ERCC6: variants seen among roughly 807,000 people sequenced by gnomAD.
ERCC6 encodes DNA excision repair protein ERCC-6.
ERCC6 carries 116 observed loss-of-function variants against 158.7 expected under a neutral mutation model. The ratio of observed to expected loss-of-function variants is 0.73; its 90% CI spans 0.63 to 0.85. ERCC6 has a LOEUF of 0.85. Among genes scored for constraint, ERCC6 ranks in the 40% least tolerant of loss-of-function variants. The pLI is 0.00. For missense variants in ERCC6, 1,698 were observed against 1,799.4 expected, an observed-to-expected ratio of 0.94 and a Z score of 1.02; for synonymous variants, 678 against 659.3, an observed-to-expected ratio of 1.03 and a Z score of -0.43.
intron 8 of ERCC6, among the ~76,000 whole-genome samples, chr10:49,484,531 G>A (rs1363862609): frequency 6.6e-6 from 1 of 152,106 alleles, no homozygotes; most frequent in Non-Finnish European, 1.5e-5. Flanking sequence ...CTTGAGGCCA[G>A]GAGTTCAAGA....
rs1271547000 is a variant in ERCC6 at position 49,474,362 on chromosome 10, G to GAAGAAGAAAC, written c.2383-121_2383-120insGTTTCTTCTT. On this transcript the variant is annotated intron_variant, in intron 12 of 20. Transcript: ENST00000355832. ...AAAACAGTTCTCCACCAGCTTCTTA[G>GAAGAAGAAAC]TTTCTTCTCTAGTCACAGCATTATC... 4 of 750,614 alleles carry GAAGAAGAAAC rather than the reference G, an allele frequency of 5.3e-6. No individual in the cohort carries two copies. The African/African-American group carries it at 7.0e-5, about 13-fold the overall frequency. The allele number at this position is 750,614 out of a possible 1,614,324, so 46.5% of individuals were successfully genotyped here.
Position 49,519,069 on chromosome 10 carries a change from C to T in ERCC6, c.1397+4964G>A, listed in dbSNP as rs375698110. On this transcript the variant is annotated intron_variant, in intron 5 of 20. Transcript: ENST00000355832. ...CCATACTTGCCAGGTCTTCTAGACT[C>T]CTGAGCCATCTCCCTATATCCTCAT... 1.2e-4 allele frequency among the ~76,000 whole-genome samples: 19 copies of T among 152,328 alleles called. 1 individual carries two copies. Among genetic ancestry groups the T allele is most frequent in the African/African-American group, 4.3e-4 (18 of 41,574 alleles).
chr10:49,513,530 A>C (rs1836861639), intron 5 of ERCC6, among the ~76,000 whole-genome samples: 1 of 152,146 alleles, frequency 6.6e-6, no homozygotes, highest in South Asian at 2.1e-4. Flanking sequence ...GGTAATTTAT[A>C]AGGAAAGAGG....
chr10:49,526,153 A>ATATC, intron 4 of ERCC6, among the ~76,000 whole-genome samples: 1 of 123,320 alleles, frequency 8.1e-6, no homozygotes, highest in African/African-American at 3.4e-5. Context: ...ATATATATAT[A>ATATC]TATATATATC....
chr10:49,490,399 G>A (rs1042055693), intron 8 of ERCC6, among the ~76,000 whole-genome samples: 7 of 145,434 alleles, frequency 4.8e-5, no homozygotes, highest in Non-Finnish European at 1.0e-4. Context: ...CTGTCGCCCA[G>A]GCTAGAGTGC....
intron 5 of ERCC6, among the ~76,000 whole-genome samples, chr10:49,510,453 C>T (rs1450354288): frequency 6.6e-6 from 1 of 152,138 alleles, no homozygotes; most frequent in Non-Finnish European, 1.5e-5. Flanking sequence ...CAAACCCTCA[C>T]TCATGCAGCA....
intron 8 of ERCC6, among the ~76,000 whole-genome samples, chr10:49,492,061 A>T (rs1386333389): frequency 6.6e-6 from 1 of 152,240 alleles, no homozygotes; most frequent in Non-Finnish European, 1.5e-5. Context: ...ATCACTTAAA[A>T]TTCTGGGCAA....
chr10:49,502,100 A>G (rs1164329632), intron 6 of ERCC6: 2 of 152,144 alleles, frequency 1.3e-5, no homozygotes, highest in East Asian at 1.9e-4. Flanking sequence ...ACCTATAGGT[A>G]TGTCTACCTA....
At chr10:49,531,615 T>C (rs978561688) in intron 2 of ERCC6, among the ~76,000 whole-genome samples, 1 of 152,134 alleles carries the variant, frequency 6.6e-6, no homozygotes, top group African/African-American at 2.4e-5. Flanking sequence ...AATGTAAAAG[T>C]ATCATTACAA....
Position 49,483,511 on chromosome 10 carries a change from T to C in ERCC6, c.1827A>G (p.Lys609=). Residue 609 remains lysine (K), a synonymous_variant, in exon 9 of 21, where the codon AAA becomes AAG. Coordinates refer to ENST00000355832, the MANE Select transcript of ERCC6 (RefSeq NM_000124.4). ...ETGSYTHKKE[K]LIRDVAHCHG... is the part of the protein sequence containing the mutation. ...GACAATGAGCAACATCTCGAATTAG[T>C]TTCTCCTGAGACCACAATAAAATGG... 1.2e-6 allele frequency: 2 copies of C among 1,614,054 alleles called. No homozygotes were observed. The highest frequency in any genetic ancestry group is 1.1e-5 in the South Asian group (1 of 91,080).
Position 49,458,133 on chromosome 10 carries a change from G to A in ERCC6, c.*682C>T, listed in dbSNP as rs1431504921. The stretch of plus-strand genomic sequence containing the variant: ...TTGTGACTGTAGGAGAGAAAAAGAT[G>A]CCCTCTGCTTAAAGGAAAGCCAGGG... On this transcript the variant is annotated 3_prime_UTR_variant, in exon 21 of 21. Transcript: ENST00000355832. 6.6e-6 allele frequency: 1 copy of A among 152,090 alleles called. No homozygotes were observed. The highest frequency in any genetic ancestry group is 1.5e-5 in the Non-Finnish European group (1 of 68,068). The allele number at this position is 152,090 out of a possible 1,614,324, so 9.4% of individuals were successfully genotyped here.
In ERCC6 at chr10:49,458,727, C is replaced by A. The variant is rs1262405016; in HGVS notation, c.*88G>T. 2 of 1,357,222 alleles carry A rather than the reference C, an allele frequency of 1.5e-6. No individual in the cohort carries two copies. Among genetic ancestry groups the A allele is most frequent in the African/African-American group, 2.9e-5 (2 of 68,294 alleles). The allele number at this position is 1,357,222 out of a possible 1,614,324, so 84.1% of individuals were successfully genotyped here. On this transcript the variant is annotated 3_prime_UTR_variant, in exon 21 of 21. Coordinates refer to ENST00000355832, the MANE Select transcript of ERCC6 (RefSeq NM_000124.4). ...ACAAACATCAAGTGCAGCCAACTTCCATTGACAAACATGATTATTAATAAT... is the reference window on the plus strand; with the variant it reads ...ACAAACATCAAGTGCAGCCAACTTCAATTGACAAACATGATTATTAATAAT...
intron 4 of ERCC6, among the ~76,000 whole-genome samples, chr10:49,526,129 A>T (rs1026031757): frequency 3.0e-4 from 5 of 16,708 alleles, no homozygotes; most frequent in African/African-American, 7.6e-4. Context: ...ATATATATAT[A>T]TATATATATA....
At chr10:49,436,614 G>A in the ERCC6 span, among the ~76,000 whole-genome samples, 4 of 152,128 alleles carry the variant, frequency 2.6e-5, no homozygotes, top group Admixed American at 2.6e-4. Flanking sequence ...AACTAATTTG[G>A]TCTACAAAAA....
intron 11 of ERCC6, among the ~76,000 whole-genome samples, chr10:49,477,965 C>A (rs1323522736): frequency 6.6e-6 from 1 of 152,194 alleles, no homozygotes; most frequent in East Asian, 1.9e-4. Flanking sequence ...ATCTTCTATA[C>A]CTTTTTGTGA....
intron 1 of ERCC6, among the ~76,000 whole-genome samples, chr10:49,537,746 G>A (rs552999349): frequency 8.9e-4 from 135 of 151,408 alleles, no homozygotes; most frequent in Middle Eastern, 3.4e-3. Context: ...ACGGAATTTC[G>A]CTCCGGTTGC....
chr10:49,521,478 A>G (rs2132614234), intron 5 of ERCC6, among the ~76,000 whole-genome samples: 1 of 152,338 alleles, frequency 6.6e-6, no homozygotes, highest in East Asian at 1.9e-4. Context: ...TTAAGAAAGC[A>G]CTAGACCTCA....
chr10:49,440,409 A>G, the ERCC6 span, among the ~76,000 whole-genome samples: 1 of 152,036 alleles, frequency 6.6e-6, no homozygotes, highest in Non-Finnish European at 1.5e-5. Flanking sequence ...TGATTCAATT[A>G]CCTCCGCCTG....
At chr10:49,538,177 T>TC (rs1837647298) in intron 1 of ERCC6, among the ~76,000 whole-genome samples, 1 of 152,160 alleles carries the variant, frequency 6.6e-6, no homozygotes, top group Non-Finnish European at 1.5e-5. Flanking sequence ...TTCACCGTCC[T>TC]CCCCCATCAC....
Sources: gnomAD v4.1 joint callset for allele counts (sites outside exome capture counted in the v4.1 genomes callset) on GRCh38, gnomAD v4.1.1 for gene constraint, MANE v1.5 for transcripts, NCBI Gene and HGNC (gene_info 2026-07-23, HGNC 2026-07-21) for gene names.